Variants in EFCAB5 observed in about 807,000 individuals in gnomAD.
EFCAB5 encodes the protein EF-hand calcium-binding domain-containing protein 5.
A neutral mutation model predicts 167.9 loss-of-function variants in EFCAB5; 131 were observed. The observed-to-expected ratio is 0.78, with a 90% CI of 0.68 to 0.90. The LOEUF (loss-of-function observed/expected upper bound fraction) is 0.90, where lower values mean the gene tolerates loss of function less well. EFCAB5 is among the 40% of genes least tolerant of loss of function. The probability of loss-of-function intolerance (pLI) is 0.00; values close to 1 mark genes in which losing one functional copy is unlikely to be tolerated. For synonymous variants in EFCAB5, 574 were observed against 602.8 expected, an observed-to-expected ratio of 0.95 and a Z score of 0.70; for missense variants, 1,663 against 1,745.2, an observed-to-expected ratio of 0.95 and a Z score of 0.84.
At chr17:30,059,433 A>T in intron 13 of EFCAB5, 112 bp from the exon 14 acceptor site, 1 of 1,209,194 alleles carries the variant, frequency 8.3e-7, no homozygotes. Context: ...TTAGCCTCAA[A>T]GTAAACCTGT....
chr17:29,947,189 A>T (rs1463234754), intron 3 of EFCAB5, among the ~76,000 whole-genome samples: 1 of 151,782 alleles, frequency 6.6e-6, no homozygotes, highest in Non-Finnish European at 1.5e-5. Flanking sequence ...AAAAAAAAAG[A>T]AAAAGAAAAT....
chr17:29,969,257 A>T lies in EFCAB5; in HGVS notation c.657A>T (p.Ile219=), dbSNP rs1388570737. The change falls in exon 4 of 23, where the codon ATA becomes ATT. Residue 219 remains isoleucine, a synonymous_variant. Coordinates refer to ENST00000394835, the MANE Select transcript of EFCAB5 (RefSeq NM_198529.4). ...TTAATTATTTGGGGGAATATTTAAT[A>T]AGAAACAATCCTAATTATATCAAAG... ...DPINYLGEYL[I]RNNPNYIKDP... is the part of the protein sequence containing the mutation. 6.2e-7 allele frequency: 1 copy of T among 1,613,848 alleles called. No homozygotes were observed. Among genetic ancestry groups the T allele is most frequent in the Non-Finnish European group, 8.5e-7 (1 of 1,179,806 alleles).
intron 1 of EFCAB5, among the ~76,000 whole-genome samples, chr17:29,935,738 A>G (rs2067239785): frequency 6.6e-6 from 1 of 151,878 alleles, no homozygotes. Context: ...AACAAAAAAC[A>G]AGAAAAAACA....
At chr17:29,987,876 C>T (rs938712692) in intron 4 of EFCAB5, among the ~76,000 whole-genome samples, 1 of 152,146 alleles carries the variant, frequency 6.6e-6, no homozygotes, top group African/African-American at 2.4e-5. Flanking sequence ...GCATGTAGCC[C>T]AGATGAAGTG....
chr17:29,955,518 G>A (rs2067596875), intron 3 of EFCAB5, among the ~76,000 whole-genome samples: 1 of 152,062 alleles, frequency 6.6e-6, no homozygotes, highest in East Asian at 1.9e-4. Context: ...CAGCCACGTG[G>A]AACTGTGAGT....
chr17:29,950,114 C>T (rs562114028), intron 3 of EFCAB5, among the ~76,000 whole-genome samples: 176 of 152,278 alleles, frequency 1.2e-3, no homozygotes, highest in Middle Eastern at 3.4e-3. Flanking sequence ...TTTTCTTCCA[C>T]CTCTGCCACT....
At chr17:30,009,863 C>G (rs1250484315) in intron 7 of EFCAB5, among the ~76,000 whole-genome samples, 1 of 151,838 alleles carries the variant, frequency 6.6e-6, no homozygotes, top group Non-Finnish European at 1.5e-5. Flanking sequence ...GCACAACATG[C>G]AGGTTTGTTA....
At chr17:29,964,833 T>A (rs1334764131) in intron 3 of EFCAB5, among the ~76,000 whole-genome samples, 1 of 152,140 alleles carries the variant, frequency 6.6e-6, no homozygotes. Context: ...TTTCTTTCTT[T>A]TGCTAGTTTT....
At chr17:30,035,977 A>G (rs912004975) in intron 8 of EFCAB5, among the ~76,000 whole-genome samples, 1 of 150,154 alleles carries the variant, frequency 6.7e-6, no homozygotes, top group African/African-American at 2.4e-5. Flanking sequence ...AAGCCCCAAA[A>G]TGCATAACAT....
At chr17:30,055,453 A>G (rs1387013773) in intron 10 of EFCAB5, among the ~76,000 whole-genome samples, 1 of 152,236 alleles carries the variant, frequency 6.6e-6, no homozygotes, top group Non-Finnish European at 1.5e-5. Flanking sequence ...TACAGTAAGA[A>G]CAAATCTTTT....
chr17:30,102,816 A>C (rs753487819), intron 22 of EFCAB5, among the ~76,000 whole-genome samples: 12 of 150,304 alleles, frequency 8.0e-5, no homozygotes, highest in Non-Finnish European at 1.3e-4. Flanking sequence ...CAAAGGACTA[A>C]GGACTTTTCT....
rs1214442159 is a variant in EFCAB5, at chr17:30,083,004, C to T, written c.3540C>T (p.Thr1180=). ...TTTATGACGTCACATCCAGCATCAC[C>T]TCCATCACTACGTACTTTGTAGAGC... The part of the protein sequence containing the change: ...GWLYDVTSSI[T]SITTYFVEPS... The change falls in exon 18 of 23, where the codon ACC becomes ACT. Residue 1180 remains threonine, a synonymous_variant. Transcript: ENST00000394835. 8.1e-6 allele frequency: 13 copies of T among 1,613,884 alleles called. No homozygotes were observed. Among genetic ancestry groups the T allele is most frequent in the Middle Eastern group, 3.3e-4 (2 of 6,082 alleles).
intron 22 of EFCAB5, among the ~76,000 whole-genome samples, chr17:30,097,281 C>T (rs889176252): frequency 6.6e-6 from 1 of 151,946 alleles, no homozygotes; most frequent in African/African-American, 2.4e-5. Context: ...GTCTCAAACT[C>T]CTGAGCTCAG....
intron 22 of EFCAB5, among the ~76,000 whole-genome samples, chr17:30,095,597 C>T (rs751745539): frequency 2.0e-5 from 3 of 152,188 alleles, no homozygotes; most frequent in East Asian, 3.8e-4. Context: ...AAAAATGGAA[C>T]ATGACTCATT....
At chr17:30,018,657 A>G (rs563814552) in intron 7 of EFCAB5, among the ~76,000 whole-genome samples, 2 of 152,208 alleles carry the variant, frequency 1.3e-5, no homozygotes, top group Admixed American at 1.3e-4. Context: ...CAATAATTCC[A>G]TTTTATGATG....
Position 30,083,042 on chromosome 17 carries a change from A to C in EFCAB5, c.3578A>C (p.Gln1193Pro). Residue 1193 changes from glutamine to proline, a missense_variant and splice_region_variant, in exon 18 of 23, where the codon CAG becomes CCG. By Grantham distance (76) the Gln-to-Pro change is moderately conservative (BLOSUM62 -1). Transcript: ENST00000394835. ...TTYFVEPSPA[Q>P]DSDYVLRNMM... ...TACTTTGTAGAGCCTAGCCCAGCCC[A>C]GGTAGGCAAGGCTCAGTAGTGGTAG... The C allele has an allele frequency of 6.2e-7, 1 of 1,613,652 alleles. No homozygotes were observed. The highest frequency in any genetic ancestry group is 8.5e-7 in the Non-Finnish European group (1 of 1,179,710).
intron 14 of EFCAB5, among the ~76,000 whole-genome samples, chr17:30,076,665 C>T (rs1242065946): frequency 6.6e-6 from 1 of 152,186 alleles, no homozygotes; most frequent in Non-Finnish European, 1.5e-5. Context: ...TTGAACTATA[C>T]TTTAAAGGGG....
chr17:29,931,582 G>A (rs573480270), intron 1 of EFCAB5, among the ~76,000 whole-genome samples: 21 of 152,274 alleles, frequency 1.4e-4, no homozygotes, highest in East Asian at 3.9e-4. Context: ...AAACAAAGAT[G>A]TATGGTTCAC....
chr17:30,091,897 C>A lies in EFCAB5; in HGVS notation c.3964C>A (p.Arg1322=), dbSNP rs769679505. 5 of 1,613,744 alleles carry A rather than the reference C, an allele frequency of 3.1e-6. No homozygotes were observed. The highest frequency in any genetic ancestry group is 1.3e-5 in the African/African-American group (1 of 74,910). ...LEIENVREVQ[R]AGILFFRIML... ...GATTGAAAATGTCAGGGAAGTCCAG[C>A]GGGCAGGAATTCTCTTCTTCCGAAT... The change falls in exon 21 of 23, where the codon CGG becomes AGG. Residue 1322 remains arginine, a synonymous_variant. Coordinates refer to ENST00000394835, the MANE Select transcript of EFCAB5 (RefSeq NM_198529.4).
Sources: allele counts gnomAD v4.1 joint callset (sites outside exome capture counted in the v4.1 genomes callset), GRCh38; gene constraint gnomAD v4.1.1; transcripts MANE v1.5; gene names NCBI Gene and HGNC (gene_info 2026-07-23, HGNC 2026-07-21).